EXT2: variants seen among roughly 807,000 people sequenced by gnomAD.
EXT2 encodes the protein exostosin-2.
A neutral mutation model predicts 81.6 loss-of-function variants in EXT2; 53 were observed. The ratio of observed to expected loss-of-function variants is 0.65; its 90% CI spans 0.52 to 0.82. The LOEUF (loss-of-function observed/expected upper bound fraction) is 0.82. Ranked by LOEUF, EXT2 falls within the 40% of genes least tolerant of loss-of-function variation. The probability of loss-of-function intolerance (pLI) is 0.00; values close to 1 mark genes in which losing one functional copy is unlikely to be tolerated. For synonymous variants in EXT2, 320 were observed against 340.0 expected (o/e 0.94, Z 0.65); for missense variants, 774 against 910.2 (o/e 0.85, Z 1.93).
intron 7 of EXT2, among the ~76,000 whole-genome samples, chr11:44,135,339 A>G (rs913775525): frequency 3.3e-5 from 5 of 151,958 alleles, no homozygotes; most frequent in African/African-American, 1.2e-4. Flanking sequence ...CAGTGAAGGT[A>G]TCTGAGATGG....
At chr11:44,110,878 C>T (rs1479484671) in intron 3 of EXT2, among the ~76,000 whole-genome samples, 1 of 152,160 alleles carries the variant, frequency 6.6e-6, no homozygotes, top group African/African-American at 2.4e-5. Context: ...TAATGAATCA[C>T]CATCTAGTCC....
At chr11:44,157,597 T>C (rs1270168010) in intron 7 of EXT2, among the ~76,000 whole-genome samples, 1 of 152,194 alleles carries the variant, frequency 6.6e-6, no homozygotes, top group Non-Finnish European at 1.5e-5. Context: ...GTGAATGCTC[T>C]CAGGCCTGGG....
chr11:44,193,796 T>C (rs576946914), intron 8 of EXT2, among the ~76,000 whole-genome samples: 1 of 152,302 alleles, frequency 6.6e-6, no homozygotes, highest in South Asian at 2.1e-4. Flanking sequence ...ATACCCCCCA[T>C]GCTGCCTTCC....
chr11:44,117,809 T>A (rs7948065), intron 4 of EXT2, among the ~76,000 whole-genome samples: 28,544 of 152,162 alleles, frequency 0.19, 3,385 homozygotes, highest in Middle Eastern at 0.28. Flanking sequence ...CCTGGAGTGC[T>A]GGATCGAATG....
intron 7 of EXT2, among the ~76,000 whole-genome samples, chr11:44,167,192 A>G (rs546054790): frequency 3.3e-4 from 50 of 152,330 alleles, no homozygotes; most frequent in Admixed American, 2.8e-3. Flanking sequence ...TCTGAAACAC[A>G]AAATCCCAGG....
rs999897934 is a variant in EXT2, at chr11:44,107,938, C to A, written c.226C>A (p.Pro76Thr). 25 of 1,614,222 alleles carry A rather than the reference C, an allele frequency of 1.5e-5. No individual in the cohort carries two copies. The highest frequency in any genetic ancestry group is 1.9e-5 in the Non-Finnish European group (22 of 1,180,048). ...VPVVRLPADSPIPERGDLSCR... is the reference protein window; with the variant it reads ...VPVVRLPADSTIPERGDLSCR... ...GGTTGTTAGGCTGCCAGCCGACAGTCCCATCCCAGAGCGGGGGGATCTCAG... is the reference window on the plus strand; with the variant it reads ...GGTTGTTAGGCTGCCAGCCGACAGTACCATCCCAGAGCGGGGGGATCTCAG... The change falls in exon 2 of 14, where the codon CCC becomes ACC. Residue 76 changes from proline to threonine, a missense_variant. This residue lies in a region of EXT2 where 626 missense variants were observed against 670.5 expected (regional missense o/e 0.93). Coordinates refer to ENST00000533608, the MANE Select transcript of EXT2 (RefSeq NM_207122.2).
In EXT2 at chr11:44,120,158, A is replaced by G. The variant is rs118152909; in HGVS notation, c.744-4631A>G. On this transcript the variant is annotated intron_variant, in intron 4 of 13. Transcript: ENST00000533608. ...GATTTAGATACATCAATATATAATT[A>G]GTTTCAGAGATTATATATTGGTGGT... is the stretch of plus-strand genomic sequence containing the variant. Among the ~76,000 whole-genome samples, 22 of 152,346 alleles carry G rather than the reference A, an allele frequency of 1.4e-4. No homozygotes were observed. In the East Asian group the frequency reaches 4.0e-3, roughly 28 times the overall value.
chr11:44,136,257 A>G (rs535329448), intron 7 of EXT2, among the ~76,000 whole-genome samples: 6 of 152,278 alleles, frequency 3.9e-5, no homozygotes, highest in African/African-American at 1.4e-4. Context: ...AGTGTACACC[A>G]GTTTACAAAG....
At chr11:44,108,388 G>A (rs1168841516) in intron 2 of EXT2, 140 bp downstream of exon 2, 4 of 926,704 alleles carry the variant, frequency 4.3e-6, no homozygotes, top group Non-Finnish European at 6.7e-6. Flanking sequence ...GGGTGTGTTG[G>A]AGGGACTGAC....
At chr11:44,104,187 T>C (rs1954023215) in intron 1 of EXT2, among the ~76,000 whole-genome samples, 1 of 152,144 alleles carries the variant, frequency 6.6e-6, no homozygotes, top group South Asian at 2.1e-4. Context: ...TTGGGTGGTA[T>C]AATTGATCTA....
intron 10 of EXT2, among the ~76,000 whole-genome samples, chr11:44,210,557 G>C (rs1468045819): frequency 6.6e-6 from 1 of 152,080 alleles, no homozygotes; most frequent in Non-Finnish European, 1.5e-5. Flanking sequence ...AACTTTTAGG[G>C]GAAATGGATA....
chr11:44,164,502 A>G (rs951588508), intron 7 of EXT2, among the ~76,000 whole-genome samples: 1 of 152,216 alleles, frequency 6.6e-6, no homozygotes. Flanking sequence ...TGCTAATCCC[A>G]TTGCCTTTGC....
At chr11:44,170,810 T>TCACACA (rs58131996) in intron 7 of EXT2, among the ~76,000 whole-genome samples, 56 of 145,656 alleles carry the variant, frequency 3.8e-4, no homozygotes, top group African/African-American at 1.2e-3. Flanking sequence ...ACGTTCACAT[T>TCACACA]CACACACACA....
In EXT2 at chr11:44,244,596, T is replaced by G; in HGVS notation, c.*309T>G. The G allele has an allele frequency of 2.3e-6, 1 of 439,554 alleles. No individual in the cohort carries two copies. Among genetic ancestry groups the G allele is most frequent in the South Asian group, 2.4e-5 (1 of 41,190 alleles). The allele number at this position is 439,554 out of a possible 1,614,324, so 27.2% of individuals were successfully genotyped here. ...CAGCTGAGGCTCCCTTTGTTTTCAG[T>G]TCCATGTAACAATCTGGAAGGAAAC... On this transcript the variant is annotated 3_prime_UTR_variant, in exon 14 of 14. Coordinates refer to ENST00000533608, the MANE Select transcript of EXT2 (RefSeq NM_207122.2).
rs546262857 is a variant in EXT2 at position 44,211,881 on chromosome 11, C to T, written c.1662+4922C>T. Reference sequence around the variant, plus strand: ...TCACATTGTACCCCACAAATGTATACAATTATTACTTGTCAATAAGAATAA... The same window carrying T: ...TCACATTGTACCCCACAAATGTATATAATTATTACTTGTCAATAAGAATAA... On this transcript the variant is annotated intron_variant, in intron 10 of 13. Coordinates refer to ENST00000533608, the MANE Select transcript of EXT2 (RefSeq NM_207122.2). 4.6e-5 allele frequency among the ~76,000 whole-genome samples: 7 copies of T among 152,212 alleles called. No individual in the cohort carries two copies. In the South Asian group the frequency reaches 1.2e-3, roughly 27 times the overall value.
At chr11:44,140,547 C>T (rs1590587356) in intron 7 of EXT2, among the ~76,000 whole-genome samples, 1 of 152,282 alleles carries the variant, frequency 6.6e-6, no homozygotes, top group East Asian at 1.9e-4. Flanking sequence ...AAACCATTAC[C>T]TGGATCAAGG....
chr11:44,155,408 C>T (rs1456911064), intron 7 of EXT2, among the ~76,000 whole-genome samples: 1 of 151,810 alleles, frequency 6.6e-6, no homozygotes, highest in East Asian at 1.9e-4. Context: ...TTGCTTCTGT[C>T]CTGTCTTCCT....
intron 13 of EXT2, among the ~76,000 whole-genome samples, chr11:44,238,328 G>A (rs1955994336): frequency 6.6e-6 from 1 of 152,128 alleles, no homozygotes; most frequent in Admixed American, 6.5e-5. Context: ...GACTACAGGT[G>A]CGTGCCACCA....
chr11:44,228,657 C>T (rs1016832051), intron 10 of EXT2, among the ~76,000 whole-genome samples: 1 of 152,126 alleles, frequency 6.6e-6, no homozygotes, highest in African/African-American at 2.4e-5. Context: ...TGAGGAACAG[C>T]GCTCACTATA....
Sources: gnomAD v4.1 joint callset for allele counts (sites outside exome capture counted in the v4.1 genomes callset) on GRCh38, gnomAD v4.1.1 for gene constraint, gnomAD v4.1.1 regional missense constraint, MANE v1.5 for transcripts, NCBI Gene and HGNC (gene_info 2026-07-23, HGNC 2026-07-21) for gene names.